The following GRM7 variants were observed in gnomAD, a reference collection of about 807,000 sequenced individuals.
The protein encoded by GRM7 is glutamate metabotropic receptor 7, also known as metabotropic glutamate receptor 7.
Under a neutral mutation model 84.5 loss-of-function variants are expected in GRM7, and 35 were observed. The ratio of observed to expected loss-of-function variants is 0.41; its 90% CI spans 0.32 to 0.55. The LOEUF (loss-of-function observed/expected upper bound fraction) is 0.55, where lower values mean the gene tolerates loss of function less well. GRM7 is among the 20% of genes least tolerant of loss of function. GRM7 has a pLI of 0.19. For synonymous variants in GRM7, 487 were observed against 455.1 expected, an observed-to-expected ratio of 1.07 and a Z score of -0.89; for missense variants, 1,003 against 1,194.6, an observed-to-expected ratio of 0.84 and a Z score of 2.36.
intron 1 of GRM7, among the ~76,000 whole-genome samples, chr3:6,925,890 A>G (rs1025150223): frequency 3.9e-5 from 6 of 152,086 alleles, no homozygotes; most frequent in African/African-American, 1.4e-4. Flanking sequence ...CTTCGGGTCA[A>G]ATATTGTAGT....
chr3:7,012,940 A>G (rs976501339), intron 1 of GRM7, among the ~76,000 whole-genome samples: 5 of 152,148 alleles, frequency 3.3e-5, no homozygotes, highest in Non-Finnish European at 5.9e-5. Flanking sequence ...GGGTCTCAGT[A>G]TGTTGTCCAG....
chr3:7,129,384 T>C (rs1459568173), intron 1 of GRM7, among the ~76,000 whole-genome samples: 1 of 152,352 alleles, frequency 6.6e-6, no homozygotes, highest in South Asian at 2.1e-4. Flanking sequence ...TGGCAGATAA[T>C]GTCCATTCCT....
chr3:7,330,799 A>G (rs1701177904), intron 4 of GRM7, among the ~76,000 whole-genome samples: 1 of 152,186 alleles, frequency 6.6e-6, no homozygotes, highest in South Asian at 2.1e-4. Flanking sequence ...TAGTGTAAAA[A>G]CAGACTAATA....
At chr3:6,876,448 G>C (rs1695306984) in intron 1 of GRM7, among the ~76,000 whole-genome samples, 1 of 151,996 alleles carries the variant, frequency 6.6e-6, no homozygotes, top group Non-Finnish European at 1.5e-5. Context: ...TTTTTTGAGA[G>C]TCATACAGTG....
intron 7 of GRM7, among the ~76,000 whole-genome samples, chr3:7,479,800 C>T (rs1020167896): frequency 6.6e-6 from 1 of 152,098 alleles, no homozygotes; most frequent in Non-Finnish European, 1.5e-5. Flanking sequence ...CCCAGTTTGT[C>T]TGGCTCTGTA....
intron 9 of GRM7, among the ~76,000 whole-genome samples, chr3:7,703,428 T>C (rs1701290888): frequency 7.4e-6 from 1 of 134,772 alleles, no homozygotes; most frequent in Non-Finnish European, 1.5e-5. Flanking sequence ...CATTGAAAGA[T>C]TTCACATTAA....
intron 1 of GRM7, among the ~76,000 whole-genome samples, chr3:7,121,188 A>C (rs1165453002): frequency 1.3e-5 from 2 of 152,212 alleles, no homozygotes; most frequent in African/African-American, 4.8e-5. Context: ...AACTCAATGT[A>C]TCCTCCTACG....
At chr3:6,870,976 A>T (rs890054269) in intron 1 of GRM7, among the ~76,000 whole-genome samples, 1 of 152,196 alleles carries the variant, frequency 6.6e-6, no homozygotes, top group East Asian at 1.9e-4. Flanking sequence ...AGACATTAAG[A>T]ATAATTATCC....
intron 4 of GRM7, among the ~76,000 whole-genome samples, chr3:7,370,762 G>A (rs914053723): frequency 1.3e-5 from 2 of 152,102 alleles, no homozygotes; most frequent in Admixed American, 1.3e-4. Context: ...GTGTACATCA[G>A]TGTCAGGGTT....
chr3:7,123,356 C>T (rs919666671), intron 1 of GRM7, among the ~76,000 whole-genome samples: 7 of 152,184 alleles, frequency 4.6e-5, no homozygotes, highest in Admixed American at 1.3e-4. Context: ...TGGTGGCTCA[C>T]GCCTATAATC....
chr3:7,615,568 A>G (rs970846037), intron 8 of GRM7, among the ~76,000 whole-genome samples: 2 of 152,116 alleles, frequency 1.3e-5, no homozygotes, highest in African/African-American at 4.8e-5. Context: ...TATTTTTCCT[A>G]TGGAAAACTG....
intron 1 of GRM7, among the ~76,000 whole-genome samples, chr3:6,878,947 C>A (rs988785561): frequency 1.3e-5 from 2 of 152,182 alleles, no homozygotes; most frequent in South Asian, 4.1e-4. Flanking sequence ...ACTTTAAAAA[C>A]CCATTGCTTA....
chr3:7,652,007 GACATTTTGACCA>G (rs1236300927), intron 8 of GRM7, among the ~76,000 whole-genome samples: 2 of 152,094 alleles, frequency 1.3e-5, no homozygotes, highest in African/African-American at 4.8e-5. Flanking sequence ...TTCTTAACAG[GACATTTTGACCA>G]ACATTTGGGG....
intron 7 of GRM7, among the ~76,000 whole-genome samples, chr3:7,531,661 G>T (rs547262640): frequency 3.3e-5 from 5 of 152,288 alleles, no homozygotes; most frequent in African/African-American, 1.2e-4. Flanking sequence ...TTTTTATCCT[G>T]AGACTTTGCA....
chr3:7,295,688 G>A (rs1284640443), intron 2 of GRM7, among the ~76,000 whole-genome samples: 1 of 152,028 alleles, frequency 6.6e-6, no homozygotes, highest in African/African-American at 2.4e-5. Flanking sequence ...CTGGTTTTTC[G>A]GTGATACTAT....
At chr3:7,046,082 A>G (rs1296508754) in intron 1 of GRM7, among the ~76,000 whole-genome samples, 1 of 152,052 alleles carries the variant, frequency 6.6e-6, no homozygotes, top group African/African-American at 2.4e-5. Flanking sequence ...GTGTGAGGTA[A>G]TATATATTGG....
chr3:7,656,523 ATAT>A (rs1178170563), intron 8 of GRM7, among the ~76,000 whole-genome samples: 4 of 52,822 alleles, frequency 7.6e-5, no homozygotes, highest in Non-Finnish European at 9.2e-5. Context: ...ATAAAAAAAA[ATAT>A]ATATATATAT....
chr3:7,257,010 G>T (rs988507819), intron 2 of GRM7, among the ~76,000 whole-genome samples: 2 of 152,166 alleles, frequency 1.3e-5, no homozygotes, highest in Non-Finnish European at 2.9e-5. Context: ...TTAAGCCAAG[G>T]CTCAGAAGTG....
chr3:7,261,886 TTCCC>T (rs1218115933), intron 2 of GRM7, among the ~76,000 whole-genome samples: 2 of 143,060 alleles, frequency 1.4e-5, no homozygotes, highest in Admixed American at 1.4e-4. Context: ...TCTGTCAGAA[TTCCC>T]TCCCTCCCTC....
Sources: allele counts gnomAD v4.1 joint callset (sites outside exome capture counted in the v4.1 genomes callset), GRCh38; gene constraint gnomAD v4.1.1; transcripts MANE v1.5; gene names NCBI Gene and HGNC (gene_info 2026-07-23, HGNC 2026-07-21).